VTI1A: variants seen among roughly 807,000 people sequenced by gnomAD.
The protein encoded by VTI1A is vesicle transport through interaction with t-SNAREs 1A, also known as vesicle transport through interaction with t-SNAREs homolog 1A.
A neutral mutation model predicts 34.9 loss-of-function variants in VTI1A; 22 were observed. That is an observed-to-expected ratio of 0.63 (90% confidence interval 0.45 to 0.90). VTI1A has a LOEUF of 0.90. Among genes scored for constraint, VTI1A ranks in the 40% least tolerant of loss-of-function variants. The pLI is 0.00. For missense variants in VTI1A, 268 were observed against 275.6 expected, an observed-to-expected ratio of 0.97 and a Z score of 0.20; for synonymous variants, 87 against 97.3, an observed-to-expected ratio of 0.89 and a Z score of 0.62.
At chr10:112,547,935 C>CT (rs1181142258) in intron 5 of VTI1A, among the ~76,000 whole-genome samples, 1 of 151,544 alleles carries the variant, frequency 6.6e-6, no homozygotes, top group Admixed American at 6.6e-5. Flanking sequence ...TACTTTTTTT[C>CT]TTTTTTCTCT....
the VTI1A span, among the ~76,000 whole-genome samples, chr10:112,839,411 G>C: frequency 3.3e-5 from 5 of 152,198 alleles, no homozygotes; most frequent in Admixed American, 3.3e-4. Flanking sequence ...CCGGTGGGGA[G>C]TTCCAGGCAG....
intron 3 of VTI1A, among the ~76,000 whole-genome samples, chr10:112,486,379 G>T (rs994493954): frequency 3.3e-5 from 5 of 152,006 alleles, no homozygotes; most frequent in African/African-American, 9.7e-5. Context: ...CTCACAATGG[G>T]TTAATCATGA....
chr10:112,606,384 C>G (rs1041683625), intron 5 of VTI1A, among the ~76,000 whole-genome samples: 1 of 152,158 alleles, frequency 6.6e-6, no homozygotes, highest in East Asian at 1.9e-4. Context: ...CATGCCCTCA[C>G]CACCCGTGGT....
At chr10:112,819,064 G>A (rs1237843065), downstream of VTI1A, among the ~76,000 whole-genome samples, 1 of 152,222 alleles carries the variant, frequency 6.6e-6, no homozygotes, top group Non-Finnish European at 1.5e-5. Context: ...GACTTTAGCT[G>A]TAAGTTGTAT....
chr10:112,672,969 T>C (rs1847901617), intron 7 of VTI1A, among the ~76,000 whole-genome samples: 1 of 152,142 alleles, frequency 6.6e-6, no homozygotes, highest in African/African-American at 2.4e-5. Flanking sequence ...GATATGTTAC[T>C]ACTTTACCTT....
At chr10:112,553,470 C>T (rs974374473) in intron 5 of VTI1A, among the ~76,000 whole-genome samples, 1 of 152,224 alleles carries the variant, frequency 6.6e-6, no homozygotes, top group African/African-American at 2.4e-5. Flanking sequence ...TACTAATTTG[C>T]ATAGTAACGC....
chr10:112,465,226 A>G (rs181404409), intron 3 of VTI1A, among the ~76,000 whole-genome samples: 1 of 151,800 alleles, frequency 6.6e-6, no homozygotes, highest in African/African-American at 2.4e-5. Context: ...CTTCCTATAT[A>G]TCTGGCTTTC....
chr10:112,655,038 C>G (rs894625829), intron 5 of VTI1A, among the ~76,000 whole-genome samples: 1 of 152,154 alleles, frequency 6.6e-6, no homozygotes, highest in African/African-American at 2.4e-5. Flanking sequence ...ATTGCCAACC[C>G]TTACAGTAAA....
intron 5 of VTI1A, among the ~76,000 whole-genome samples, chr10:112,545,911 G>T (rs1359706839): frequency 2.0e-5 from 3 of 151,560 alleles, no homozygotes; most frequent in African/African-American, 7.3e-5. Flanking sequence ...TGACCAGGGT[G>T]TGTGTGTGTG....
At chr10:112,802,226 G>A (rs1055675360) in intron 7 of VTI1A, among the ~76,000 whole-genome samples, 1 of 152,196 alleles carries the variant, frequency 6.6e-6, no homozygotes, top group Non-Finnish European at 1.5e-5. Flanking sequence ...GCAACAGGGA[G>A]ACACCTTGTC....
intron 7 of VTI1A, among the ~76,000 whole-genome samples, chr10:112,739,946 T>C (rs1850634596): frequency 6.6e-6 from 1 of 152,274 alleles, no homozygotes; most frequent in South Asian, 2.1e-4. Context: ...AATCATTTTT[T>C]TTAAATTATG....
At chr10:112,696,889 G>C (rs1174041640) in intron 7 of VTI1A, among the ~76,000 whole-genome samples, 1 of 152,174 alleles carries the variant, frequency 6.6e-6, no homozygotes, top group Non-Finnish European at 1.5e-5. Flanking sequence ...AAAATTCTAT[G>C]ACCTCTGCTA....
chr10:112,756,610 G>C (rs916329750), intron 7 of VTI1A, among the ~76,000 whole-genome samples: 1 of 152,072 alleles, frequency 6.6e-6, no homozygotes, highest in Non-Finnish European at 1.5e-5. Context: ...TGCCCTCTAG[G>C]TACTGTTAGC....
intron 5 of VTI1A, among the ~76,000 whole-genome samples, chr10:112,599,146 C>A (rs1844786234): frequency 1.3e-5 from 2 of 152,120 alleles, no homozygotes; most frequent in Admixed American, 1.3e-4. Context: ...AGGTCCAGGG[C>A]CACTGTGGAA....
intron 7 of VTI1A, among the ~76,000 whole-genome samples, chr10:112,806,262 A>G (rs1853072803): frequency 6.6e-6 from 1 of 152,046 alleles, no homozygotes; most frequent in African/African-American, 2.4e-5. Flanking sequence ...GCCCAGAGAT[A>G]GCATCTAGTT....
At chr10:112,797,179 C>T (rs1852702568) in intron 7 of VTI1A, among the ~76,000 whole-genome samples, 1 of 152,098 alleles carries the variant, frequency 6.6e-6, no homozygotes, top group Non-Finnish European at 1.5e-5. Flanking sequence ...CAGAAAGATT[C>T]TCATTATTTT....
At chr10:112,853,076 G>A in the VTI1A span, among the ~76,000 whole-genome samples, 6 of 152,142 alleles carry the variant, frequency 3.9e-5, no homozygotes, top group Admixed American at 6.5e-5. Context: ...GAGCCACCGC[G>A]CCCGGCCAGG....
intron 5 of VTI1A, among the ~76,000 whole-genome samples, chr10:112,572,893 T>A (rs899044305): frequency 2.0e-5 from 3 of 151,796 alleles, no homozygotes; most frequent in African/African-American, 7.3e-5. Context: ...AACCATGAAC[T>A]GTATTTTAAT....
At chr10:112,679,869 C>T (rs1417955938) in intron 7 of VTI1A, among the ~76,000 whole-genome samples, 1 of 152,090 alleles carries the variant, frequency 6.6e-6, no homozygotes, top group Non-Finnish European at 1.5e-5. Flanking sequence ...TGTCTCAAGC[C>T]ATAGGGCAGT....
Sources: allele counts gnomAD v4.1 joint callset (sites outside exome capture counted in the v4.1 genomes callset), GRCh38; gene constraint gnomAD v4.1.1; transcripts MANE v1.5; gene names NCBI Gene and HGNC (gene_info 2026-07-23, HGNC 2026-07-21).